HPSE2: variants seen among roughly 807,000 people sequenced by gnomAD.
The protein encoded by HPSE2 is heparanase 2 (inactive).
HPSE2 carries 38 observed loss-of-function variants against 60.5 expected under a neutral mutation model. The ratio of observed to expected loss-of-function variants is 0.63; its 90% CI spans 0.48 to 0.82. HPSE2 has a LOEUF of 0.82. Ranked by LOEUF, HPSE2 falls within the 40% of genes least tolerant of loss-of-function variation. The pLI, the probability that HPSE2 is intolerant of heterozygous loss-of-function variation, is 0.00. For missense variants in HPSE2, 713 were observed against 740.4 expected (o/e 0.96, Z 0.43); for synonymous variants, 295 against 293.2 (o/e 1.01, Z -0.06).
At chr10:99,037,770 T>C (rs1957643881) in intron 3 of HPSE2, among the ~76,000 whole-genome samples, 1 of 151,630 alleles carries the variant, frequency 6.6e-6, no homozygotes, top group Non-Finnish European at 1.5e-5. Context: ...GGTTAAAAAA[T>C]AAGAAAAACC....
At position 99,217,701 on chromosome 10, in the gene HPSE2, G is replaced by A. The variant is rs1377431771; in HGVS notation, c.448+14647C>T. ...ACACTTGGGCTAAAGCAATCCTCCC[G>A]CCTCAGCCTCCTGAGTAGCTAAGAC... On this transcript the variant is annotated intron_variant, in intron 2 of 11. Transcript: ENST00000370552. Among the ~76,000 whole-genome samples, 6 of 151,906 alleles carry A rather than the reference G, an allele frequency of 3.9e-5. No individual in the cohort carries two copies. In the South Asian group the frequency reaches 6.3e-4, roughly 16 times the overall value.
chr10:98,708,404 C>T (rs1948599430), intron 5 of HPSE2, among the ~76,000 whole-genome samples: 3 of 149,186 alleles, frequency 2.0e-5, no homozygotes, highest in Non-Finnish European at 4.4e-5. Flanking sequence ...TGCAGTGAGC[C>T]GAGATCACAC....
At chr10:98,945,655 C>A (rs547896479) in intron 3 of HPSE2, among the ~76,000 whole-genome samples, 1 of 151,964 alleles carries the variant, frequency 6.6e-6, no homozygotes, top group Non-Finnish European at 1.5e-5. Flanking sequence ...TTTTGGGATG[C>A]GAAGAGGCTT....
intron 9 of HPSE2, among the ~76,000 whole-genome samples, chr10:98,585,997 T>C (rs1448782958): frequency 6.6e-6 from 1 of 150,618 alleles, no homozygotes; most frequent in East Asian, 1.9e-4. Flanking sequence ...CCTACTTATA[T>C]AAATGAAGCT....
chr10:99,182,692 C>T (rs2796759), intron 2 of HPSE2, among the ~76,000 whole-genome samples: 22,561 of 151,946 alleles, frequency 0.15, 1,981 homozygotes, highest in Admixed American at 0.22. Context: ...GATTAACCAT[C>T]CTATCTTGGA....
intron 6 of HPSE2, among the ~76,000 whole-genome samples, chr10:98,660,854 A>G (rs1947204603): frequency 1.3e-5 from 2 of 151,798 alleles, no homozygotes; most frequent in African/African-American, 4.8e-5. Flanking sequence ...AACCCACTAT[A>G]TTTGCCAAGT....
At chr10:98,999,672 T>C (rs757416935) in intron 3 of HPSE2, among the ~76,000 whole-genome samples, 5 of 152,076 alleles carry the variant, frequency 3.3e-5, no homozygotes, top group Admixed American at 6.5e-5. Flanking sequence ...GACTAGACTC[T>C]ACCATGATTT....
chr10:98,590,675 G>A (rs1375133134), intron 9 of HPSE2, among the ~76,000 whole-genome samples: 1 of 152,112 alleles, frequency 6.6e-6, no homozygotes, highest in Non-Finnish European at 1.5e-5. Flanking sequence ...GATACACCCA[G>A]GATTGTATGC....
intron 3 of HPSE2, among the ~76,000 whole-genome samples, chr10:99,094,527 T>TATATATATATATAC (rs1843635329): frequency 9.8e-5 from 2 of 20,354 alleles, no homozygotes; most frequent in African/African-American, 2.2e-4. Context: ...TATATATATA[T>TATATATATATATAC]ATATATATAT....
At chr10:99,146,154 G>A (rs1846044074) in intron 2 of HPSE2, among the ~76,000 whole-genome samples, 1 of 152,130 alleles carries the variant, frequency 6.6e-6, no homozygotes, top group Non-Finnish European at 1.5e-5. Flanking sequence ...GAGGAATAAT[G>A]CAGTTTACAT....
chr10:98,710,494 T>C lies in HPSE2; in HGVS notation c.956+11163A>G, dbSNP rs930588285. 2.0e-5 allele frequency among the ~76,000 whole-genome samples: 3 copies of C among 152,168 alleles called. 1 individual carries two copies. In the South Asian group the frequency reaches 6.2e-4, roughly 32 times the overall value. On this transcript the variant is annotated intron_variant, in intron 5 of 11. Coordinates refer to ENST00000370552, the MANE Select transcript of HPSE2 (RefSeq NM_021828.5). ...AGGCTTAAATATACAGGAATTAAGA[T>C]GGGTGAGACTCTTTGACCAATCCAT...
At chr10:98,969,038 C>T (rs186404761) in intron 3 of HPSE2, among the ~76,000 whole-genome samples, 18 of 152,072 alleles carry the variant, frequency 1.2e-4, no homozygotes, top group African/African-American at 3.1e-4. Flanking sequence ...TCCTGCATTC[C>T]ATAAAATTAA....
intron 9 of HPSE2, among the ~76,000 whole-genome samples, chr10:98,583,478 A>G (rs1028285791): frequency 6.6e-6 from 1 of 152,214 alleles, no homozygotes; most frequent in Non-Finnish European, 1.5e-5. Context: ...CTATGCCTTT[A>G]AAATACAAGT....
At chr10:99,117,758 C>G (rs969060473) in intron 3 of HPSE2, among the ~76,000 whole-genome samples, 1 of 152,126 alleles carries the variant, frequency 6.6e-6, no homozygotes, top group East Asian at 1.9e-4. Context: ...CAGGAACAAA[C>G]AGATTCACAG....
At chr10:98,579,133 G>T (rs1429980327) in intron 9 of HPSE2, among the ~76,000 whole-genome samples, 1 of 152,086 alleles carries the variant, frequency 6.6e-6, no homozygotes, top group African/African-American at 2.4e-5. Context: ...AAGACCCGGA[G>T]AATGACTTAA....
intron 6 of HPSE2, among the ~76,000 whole-genome samples, chr10:98,687,655 C>T (rs903097543): frequency 4.6e-5 from 7 of 152,130 alleles, no homozygotes; most frequent in South Asian, 4.1e-4. Context: ...AATACATTTA[C>T]GATTATTATG....
chr10:98,472,520 A>G (rs1830608156), intron 11 of HPSE2, among the ~76,000 whole-genome samples: 2 of 152,174 alleles, frequency 1.3e-5, no homozygotes, highest in Admixed American at 1.3e-4. Flanking sequence ...GTAAAAAATT[A>G]TCCTATTTTT....
At chr10:98,913,490 G>A (rs1423923559) in intron 3 of HPSE2, among the ~76,000 whole-genome samples, 1 of 152,176 alleles carries the variant, frequency 6.6e-6, no homozygotes, top group Admixed American at 6.5e-5. Context: ...TTCAGTTACT[G>A]CACAATGGAG....
At chr10:99,014,913 A>G (rs1209097299) in intron 3 of HPSE2, among the ~76,000 whole-genome samples, 1 of 152,202 alleles carries the variant, frequency 6.6e-6, no homozygotes, top group Non-Finnish European at 1.5e-5. Flanking sequence ...AATTTTTGCA[A>G]TCTACTCATC....
Sources: gnomAD v4.1 joint callset for allele counts (sites outside exome capture counted in the v4.1 genomes callset) on GRCh38, gnomAD v4.1.1 for gene constraint, MANE v1.5 for transcripts, NCBI Gene and HGNC (gene_info 2026-07-23, HGNC 2026-07-21) for gene names.